Variants in HSP90AA1 observed in about 807,000 individuals in gnomAD.
HSP90AA1 encodes heat shock protein 90 alpha family class A member 1, also known as heat shock protein HSP 90-alpha.
HSP90AA1 carries 18 observed loss-of-function variants against 73.3 expected under a neutral mutation model. The ratio of observed to expected loss-of-function variants is 0.25; its 90% CI spans 0.17 to 0.36. The LOEUF (loss-of-function observed/expected upper bound fraction) is 0.36, where lower values mean the gene tolerates loss of function less well. HSP90AA1 is among the 10% of genes least tolerant of loss of function. The probability of loss-of-function intolerance (pLI) is 1.00; values close to 1 mark genes in which losing one functional copy is unlikely to be tolerated. For synonymous variants in HSP90AA1, 477 were observed against 296.9 expected (o/e 1.61, Z -6.24); for missense variants, 704 against 874.2 (o/e 0.81, Z 2.45).
intron 2 of HSP90AA1, among the ~76,000 whole-genome samples, chr14:102,099,699 A>C (rs1355346797): frequency 6.6e-6 from 1 of 152,214 alleles, no homozygotes; most frequent in African/African-American, 2.4e-5. Flanking sequence ...CTGCTTTACG[A>C]AGGCCAGTGG....
chr14:102,081,431 A>AT lies in HSP90AA1; in HGVS notation c.*280_*281insA. 7.6e-6 allele frequency: 3 copies of AT among 392,972 alleles called. No individual in the cohort carries two copies. Among genetic ancestry groups the AT allele is most frequent in the Non-Finnish European group, 1.4e-5 (3 of 212,006 alleles). The allele number at this position is 392,972 out of a possible 1,614,324, so 24.3% of individuals were successfully genotyped here. A position where few individuals can be genotyped will look rare whatever the true frequency, so the allele number is the denominator to read the frequency against. ...CCGGCTTGACAGCTAAACACTTTAGACCACAAAGTTAACATCATGTTACAT... is the reference window on the plus strand; with the variant it reads ...CCGGCTTGACAGCTAAACACTTTAGATCCACAAAGTTAACATCATGTTACAT... On this transcript the variant is annotated 3_prime_UTR_variant, in exon 11 of 11. Coordinates refer to ENST00000216281, the MANE Select transcript of HSP90AA1 (RefSeq NM_005348.4).
At chr14:102,119,770 A>G (rs934406526) in intron 1 of HSP90AA1, among the ~76,000 whole-genome samples, 9 of 152,276 alleles carry the variant, frequency 5.9e-5, no homozygotes, top group African/African-American at 1.7e-4. Flanking sequence ...TACAGGTGTG[A>G]GCCACCACAC....
At chr14:102,097,674 G>A (rs922545760) in intron 2 of HSP90AA1, among the ~76,000 whole-genome samples, 1 of 152,136 alleles carries the variant, frequency 6.6e-6, no homozygotes, top group Admixed American at 6.5e-5. Context: ...TGAAACTAGA[G>A]GAGGAATGAG....
At chr14:102,086,154 A>G (rs751725659) in intron 2 of HSP90AA1, 30 bp from the exon 3 acceptor site, 1 of 1,614,136 alleles carries the variant, frequency 6.2e-7, no homozygotes, top group East Asian at 2.2e-5. Flanking sequence ...ATTTAAGCAT[A>G]CAGCACCCCC....
chr14:102,098,407 G>A (rs562088247), intron 2 of HSP90AA1, among the ~76,000 whole-genome samples: 4 of 147,846 alleles, frequency 2.7e-5, no homozygotes, highest in Admixed American at 1.4e-4. Flanking sequence ...TGATCTGCCC[G>A]CCTCAGCCTC....
intron 1 of HSP90AA1, among the ~76,000 whole-genome samples, chr14:102,134,112 C>T (rs905529234): frequency 1.3e-5 from 2 of 150,214 alleles, no homozygotes; most frequent in African/African-American, 4.9e-5. Flanking sequence ...GATTACGCCA[C>T]TGCACTCCAG....
At chr14:102,091,468 C>CA (rs1305314019), upstream of HSP90AA1, among the ~76,000 whole-genome samples, 6 of 151,804 alleles carry the variant, frequency 4.0e-5, no homozygotes, top group African/African-American at 9.7e-5. Context: ...ACAAAAAATA[C>CA]AAAAAAATTT....
chr14:102,120,904 C>T (rs2049768506), intron 1 of HSP90AA1, among the ~76,000 whole-genome samples: 1 of 151,738 alleles, frequency 6.6e-6, no homozygotes, highest in African/African-American at 2.4e-5. Flanking sequence ...CACCACTGCA[C>T]TCCAGCCTGG....
intron 4 of HSP90AA1, 25 bp downstream of exon 4, chr14:102,085,273 A>C: frequency 6.2e-7 from 1 of 1,605,506 alleles, no homozygotes; most frequent in Non-Finnish European, 8.5e-7. Context: ...ACAGAAATTC[A>C]CTCTGCAATT....
At position 102,084,927 on chromosome 14, in the gene HSP90AA1, T is replaced by C; in HGVS notation, c.735A>G (p.Lys245=). The part of the protein sequence containing the change: ...AEEKEDKEEE[K]EKEEKESEDK... Reference sequence around the variant, plus strand: ...CTTCCGACTCTTTCTCTTCTTTTTCTTTTTCTTCTTCTTTGTCTTCCTTTT... The same window carrying C: ...CTTCCGACTCTTTCTCTTCTTTTTCCTTTTCTTCTTCTTTGTCTTCCTTTT... Residue 245 remains lysine, a synonymous_variant, in exon 5 of 11, where the codon AAA becomes AAG. Transcript: ENST00000216281. The C allele has an allele frequency of 1.3e-6, 2 of 1,594,060 alleles. No individual in the cohort carries two copies. Among genetic ancestry groups the C allele is most frequent in the Non-Finnish European group, 8.6e-7 (1 of 1,162,064 alleles).
chr14:102,083,939 T>C lies in HSP90AA1; in HGVS notation c.1192A>G (p.Ile398Val), dbSNP rs756262122. 6.2e-7 allele frequency: 1 copy of C among 1,614,150 alleles called. No homozygotes were observed. The highest frequency in any genetic ancestry group is 1.7e-5 in the Admixed American group (1 of 60,034). Residue 398 changes from isoleucine (I) to valine (V), a missense_variant, in exon 7 of 11, where the codon ATA becomes GTA. Ile to Val is a conservative substitution (Grantham distance 29). Transcript: ENST00000216281. ...CTTTGTTGCAACATCTCACGGGATA[T>C]GTTTAGAGGGAGATCCTCCGAGTCT... ...VVDSEDLPLNISREMLQQSKI... is the reference protein window; with the variant it reads ...VVDSEDLPLNVSREMLQQSKI...
chr14:102,131,360 T>A (rs1203040508), intron 1 of HSP90AA1, among the ~76,000 whole-genome samples: 1 of 152,210 alleles, frequency 6.6e-6, no homozygotes, highest in East Asian at 1.9e-4. Context: ...TTCTGTAGCC[T>A]CTTTTCATCT....
exon 2 of HSP90AA1, chr14:102,101,940 G>T: frequency 6.2e-7 from 1 of 1,614,198 alleles, no homozygotes; most frequent in Middle Eastern, 1.7e-4. Context: ...CCTTGGCTCT[G>T]TCTGAAGGCC....
At position 102,126,525 on chromosome 14, in the gene HSP90AA1, C is replaced by CT. The variant is rs566632976; in HGVS notation, c.155+12724dup. ...TACTGACTGCATCCTCGACTAGATTCTTTTTTTTTTTCTTTTTTGAGACGG... is the reference window on the plus strand; with the variant it reads ...TACTGACTGCATCCTCGACTAGATTCTTTTTTTTTTTTCTTTTTTGAGACGG... On this transcript the variant is annotated intron_variant, in intron 1 of 11. Coordinates refer to the HSP90AA1 transcript ENST00000334701. Among the ~76,000 whole-genome samples the CT allele has an allele frequency of 1.1e-3, 164 of 147,456 alleles. 1 individual carries two copies. Among genetic ancestry groups the CT allele is most frequent in the Admixed American group, 2.6e-3 (38 of 14,712 alleles).
chr14:102,095,218 C>A (rs545660823), intron 2 of HSP90AA1, among the ~76,000 whole-genome samples: 1 of 152,226 alleles, frequency 6.6e-6, no homozygotes, highest in African/African-American at 2.4e-5. Flanking sequence ...AAGACGGTTC[C>A]CAGGATGGCA....
At position 102,100,423 on chromosome 14, in the gene HSP90AA1, G is replaced by GT. The variant is rs71116879; in HGVS notation, c.366+1451dup. On this transcript the variant is annotated intron_variant, in intron 2 of 11. Transcript: ENST00000334701. ...TCAAAAAAACAAAATTTCCAGTCTG[G>GT]TTTTTTTTTTTTTTTTTTTGAGATG... Among the ~76,000 whole-genome samples the GT allele has an allele frequency of 8.6e-3, 918 of 106,272 alleles. 18 individuals are homozygous for GT. The highest frequency in any genetic ancestry group is 0.027 in the African/African-American group (830 of 30,462). The allele number at this position is 106,272 out of a possible 152,430, so 69.7% of individuals were successfully genotyped here.
chr14:102,127,421 T>G (rs2049852884), intron 1 of HSP90AA1, among the ~76,000 whole-genome samples: 1 of 152,234 alleles, frequency 6.6e-6, no homozygotes, highest in Non-Finnish European at 1.5e-5. Flanking sequence ...GTTCTGTGAC[T>G]GAGGCAGAAT....
Position 102,086,280 on chromosome 14 carries a change from G to T in HSP90AA1, c.99C>A (p.Ile33=), listed in dbSNP as rs765146029. 8 of 1,613,920 alleles carry T rather than the reference G, an allele frequency of 5.0e-6. No individual in the cohort carries two copies. Among genetic ancestry groups the T allele is most frequent in the Admixed American group, 1.7e-5 (1 of 59,982 alleles). Reference sequence around the variant, plus strand: ...CTTTGTTCGAGTAGAAAGTATTGATGATCAATGACATCAACTGGGCAATTT... The same window carrying T: ...CTTTGTTCGAGTAGAAAGTATTGATTATCAATGACATCAACTGGGCAATTT... ...QAEIAQLMSL[I]INTFYSNKEI... Residue 33 remains isoleucine (I), a synonymous_variant, in exon 2 of 11, where the codon ATC becomes ATA. Transcript: ENST00000216281.
At chr14:102,081,969 A>AT in intron 10 of HSP90AA1, 142 bp downstream of exon 10, 1 of 767,420 alleles carries the variant, frequency 1.3e-6, no homozygotes. Context: ...GACCTTACTT[A>AT]TCCCTAAAAA....
Sources: gnomAD v4.1 joint callset for allele counts (sites outside exome capture counted in the v4.1 genomes callset) on GRCh38, gnomAD v4.1.1 for gene constraint, MANE v1.5 for transcripts, NCBI Gene and HGNC (gene_info 2026-07-23, HGNC 2026-07-21) for gene names.